SLC16A10: variants seen among roughly 807,000 people sequenced by gnomAD.
SLC16A10 encodes the protein solute carrier family 16 member 10.
SLC16A10 carries 27 observed loss-of-function variants against 40.0 expected under a neutral mutation model. The observed-to-expected ratio is 0.67, with a 90% CI of 0.50 to 0.93. SLC16A10 has a LOEUF of 0.93. Ranked by LOEUF, SLC16A10 falls within the 40% of genes least tolerant of loss-of-function variation. The probability of loss-of-function intolerance (pLI) is 0.00; values close to 1 mark genes in which losing one functional copy is unlikely to be tolerated. For synonymous variants in SLC16A10, 213 were observed against 249.8 expected, an observed-to-expected ratio of 0.85 and a Z score of 1.39; for missense variants, 529 against 658.2, an observed-to-expected ratio of 0.80 and a Z score of 2.15.
intron 3 of SLC16A10, among the ~76,000 whole-genome samples, chr6:111,183,561 G>T (rs1372920593): frequency 1.3e-5 from 2 of 152,106 alleles, no homozygotes; most frequent in Admixed American, 1.3e-4. Context: ...TCATCATTTG[G>T]ATCTTTAAAA....
chr6:111,100,412 T>C (rs1771153460), intron 1 of SLC16A10, among the ~76,000 whole-genome samples: 1 of 152,106 alleles, frequency 6.6e-6, no homozygotes. Context: ...TTTTTTGAGG[T>C]GGAGTCTCGC....
intron 3 of SLC16A10, 58 bp from the exon 4 acceptor site, chr6:111,206,534 C>T: frequency 6.2e-7 from 1 of 1,602,700 alleles, no homozygotes. Context: ...TGCAAAGCCT[C>T]AAATTTGTCA....
At chr6:111,135,670 C>G (rs1053141784) in intron 1 of SLC16A10, among the ~76,000 whole-genome samples, 4 of 152,202 alleles carry the variant, frequency 2.6e-5, no homozygotes, top group African/African-American at 9.6e-5. Flanking sequence ...TGTTTTACCC[C>G]AAGGATTCAG....
At chr6:111,143,352 A>G (rs1372316212) in intron 1 of SLC16A10, among the ~76,000 whole-genome samples, 3 of 151,834 alleles carry the variant, frequency 2.0e-5, no homozygotes, top group African/African-American at 7.3e-5. Context: ...CTGGGATTAT[A>G]AGTGTGAGCC....
intron 1 of SLC16A10, among the ~76,000 whole-genome samples, chr6:111,130,124 A>T (rs1771754598): frequency 6.6e-6 from 1 of 152,218 alleles, no homozygotes; most frequent in African/African-American, 2.4e-5. Flanking sequence ...GTTTGCTTCT[A>T]ACACTTATTT....
intron 1 of SLC16A10, among the ~76,000 whole-genome samples, chr6:111,123,980 G>A (rs1323964289): frequency 1.2e-4 from 19 of 152,180 alleles, no homozygotes; most frequent in Admixed American, 1.2e-3. Flanking sequence ...AGAAAAGTCA[G>A]CCAGTCAGAG....
At position 111,206,226 on chromosome 6, in the gene SLC16A10, G is replaced by A. The variant is rs542746849; in HGVS notation, c.943-366G>A. On this transcript the variant is annotated intron_variant, in intron 3 of 5. Coordinates refer to ENST00000368851, the MANE Select transcript of SLC16A10 (RefSeq NM_018593.5). The stretch of plus-strand genomic sequence containing the variant: ...CGAGTAGCTGGGATTACAGGCATGC[G>A]TCACCACGCCTGGCTAATTTTTATA... Among the ~76,000 whole-genome samples, 5 of 152,010 alleles carry A rather than the reference G, an allele frequency of 3.3e-5. No homozygotes were observed. The South Asian group carries it at 6.2e-4, about 19-fold the overall frequency.
chr6:111,168,943 C>G (rs899754022), intron 1 of SLC16A10, among the ~76,000 whole-genome samples: 11 of 152,136 alleles, frequency 7.2e-5, no homozygotes, highest in African/African-American at 2.7e-4. Context: ...CACTTGTTCT[C>G]TTACTTGGTA....
At chr6:111,119,592 G>A (rs1771547984) in intron 1 of SLC16A10, among the ~76,000 whole-genome samples, 2 of 152,200 alleles carry the variant, frequency 1.3e-5, no homozygotes, top group South Asian at 4.1e-4. Context: ...ATCACTGCCA[G>A]TAGAAATATA....
intron 1 of SLC16A10, among the ~76,000 whole-genome samples, chr6:111,168,812 C>T (rs899923298): frequency 1.3e-5 from 2 of 152,056 alleles, no homozygotes; most frequent in Non-Finnish European, 2.9e-5. Flanking sequence ...GGTTTTCAAA[C>T]CAGTTAAAGG....
chr6:111,182,288 A>T (rs1772807873), intron 3 of SLC16A10, among the ~76,000 whole-genome samples: 1 of 142,176 alleles, frequency 7.0e-6, no homozygotes. Flanking sequence ...GGTGTGAGCC[A>T]CCACGCCTGG....
chr6:111,094,522 C>G (rs1169238911), intron 1 of SLC16A10, among the ~76,000 whole-genome samples: 2 of 152,182 alleles, frequency 1.3e-5, no homozygotes, highest in Non-Finnish European at 2.9e-5. Context: ...TCTTATTTCT[C>G]TTCCTTCCTT....
rs1770991754 is a variant in SLC16A10 at position 111,226,183 on chromosome 6, A to G, written c.*3948A>G. On this transcript the variant is annotated 3_prime_UTR_variant, in exon 6 of 6. Coordinates refer to ENST00000368851, the MANE Select transcript of SLC16A10 (RefSeq NM_018593.5). ...TTAAGGTAAATGCTTTGGGGAAAAAAAAAACCATTGCCAAGTCTTTAGCAT... is the reference window on the plus strand; with the variant it reads ...TTAAGGTAAATGCTTTGGGGAAAAAGAAAACCATTGCCAAGTCTTTAGCAT... The G allele has an allele frequency of 6.6e-6, 1 of 152,168 alleles. No individual in the cohort carries two copies. Among genetic ancestry groups the G allele is most frequent in the Non-Finnish European group, 1.5e-5 (1 of 68,038 alleles). 9.4% of individuals were successfully genotyped at this position (152,168 alleles called of 1,614,324 possible). A position where few individuals can be genotyped will look rare whatever the true frequency, so the allele number is the denominator to read the frequency against.
At chr6:111,166,729 G>T (rs985822566) in intron 1 of SLC16A10, among the ~76,000 whole-genome samples, 2 of 152,194 alleles carry the variant, frequency 1.3e-5, no homozygotes, top group African/African-American at 4.8e-5. Flanking sequence ...GCATGCAGGA[G>T]AATCTTCTTA....
At chr6:111,148,966 T>C (rs1389237898) in intron 1 of SLC16A10, among the ~76,000 whole-genome samples, 1 of 152,168 alleles carries the variant, frequency 6.6e-6, no homozygotes, top group Non-Finnish European at 1.5e-5. Context: ...TGGCCTGATA[T>C]TGATCGTCCA....
chr6:111,093,644 G>T (rs1046366549), intron 1 of SLC16A10, among the ~76,000 whole-genome samples: 1 of 152,190 alleles, frequency 6.6e-6, no homozygotes, highest in Non-Finnish European at 1.5e-5. Context: ...AGGAAAAGCG[G>T]CCTGCATAAC....
intron 4 of SLC16A10, among the ~76,000 whole-genome samples, chr6:111,216,477 C>G (rs1378171753): frequency 2.0e-5 from 3 of 151,826 alleles, no homozygotes; most frequent in African/African-American, 7.3e-5. Flanking sequence ...GATCTCGGCT[C>G]ACTGCAAGCT....
At chr6:111,141,968 G>A (rs1256656310) in intron 1 of SLC16A10, among the ~76,000 whole-genome samples, 1 of 152,168 alleles carries the variant, frequency 6.6e-6, no homozygotes, top group Admixed American at 6.5e-5. Context: ...TATGTGGACA[G>A]GCAAAAGACC....
intron 1 of SLC16A10, among the ~76,000 whole-genome samples, chr6:111,147,078 T>C (rs879494091): frequency 2.9e-4 from 44 of 152,308 alleles, no homozygotes; most frequent in African/African-American, 9.6e-4. Flanking sequence ...TGCTAATGGG[T>C]ACAGGGTTTC....
Sources: allele counts gnomAD v4.1 joint callset (sites outside exome capture counted in the v4.1 genomes callset), GRCh38; gene constraint gnomAD v4.1.1; transcripts MANE v1.5; gene names NCBI Gene and HGNC (gene_info 2026-07-23, HGNC 2026-07-21).